Variants in GALNTL6 observed in about 807,000 individuals in gnomAD.
GALNTL6 encodes polypeptide N-acetylgalactosaminyltransferase like 6, also known as polypeptide N-acetylgalactosaminyltransferase-like 6.
Under a neutral mutation model 73.7 loss-of-function variants are expected in GALNTL6, and 46 were observed. The ratio of observed to expected loss-of-function variants is 0.62; its 90% confidence interval spans 0.49 to 0.80. GALNTL6 has a LOEUF of 0.80. Ranked by LOEUF, GALNTL6 falls within the 30% of genes least tolerant of loss-of-function variation. The pLI is 0.00. For synonymous variants in GALNTL6, 259 were observed against 263.7 expected, an observed-to-expected ratio of 0.98 and a Z score of 0.17; for missense variants, 604 against 755.0, an observed-to-expected ratio of 0.80 and a Z score of 2.34.
intron 2 of GALNTL6, among the ~76,000 whole-genome samples, chr4:172,122,146 G>C (rs1030396001): frequency 1.3e-5 from 2 of 151,206 alleles, no homozygotes; most frequent in African/African-American, 4.9e-5. Context: ...AATTCGAGCA[G>C]AGCGTGAGCA....
chr4:173,012,197 T>C (rs1752582867), intron 11 of GALNTL6, among the ~76,000 whole-genome samples: 1 of 152,194 alleles, frequency 6.6e-6, no homozygotes. Flanking sequence ...AAGCAAGCAG[T>C]TCCCAGTAAG....
chr4:171,861,438 G>C (rs2110879295), intron 2 of GALNTL6, among the ~76,000 whole-genome samples: 1 of 152,268 alleles, frequency 6.6e-6, no homozygotes. Flanking sequence ...ACACCAGCTT[G>C]CTTTTCCTGA....
intron 2 of GALNTL6, among the ~76,000 whole-genome samples, chr4:172,150,014 G>T (rs1734035323): frequency 6.6e-6 from 1 of 152,108 alleles, no homozygotes; most frequent in Non-Finnish European, 1.5e-5. Context: ...TTATGCCAGA[G>T]TCTTTTCTCC....
chr4:172,537,380 TAGTG>T (rs375926804), intron 5 of GALNTL6, among the ~76,000 whole-genome samples: 1 of 152,178 alleles, frequency 6.6e-6, no homozygotes, highest in Non-Finnish European at 1.5e-5. Flanking sequence ...GTTCTCATGA[TAGTG>T]AGTGAGTTTC....
chr4:172,540,765 C>G (rs914975226), intron 5 of GALNTL6, among the ~76,000 whole-genome samples: 3 of 152,148 alleles, frequency 2.0e-5, no homozygotes, highest in Non-Finnish European at 4.4e-5. Context: ...AAGCTATTAT[C>G]TAAAGACCTG....
At chr4:172,057,729 TA>T (rs1244814937) in intron 2 of GALNTL6, among the ~76,000 whole-genome samples, 33 of 72,306 alleles carry the variant, frequency 4.6e-4, no homozygotes, top group Admixed American at 4.9e-4. Context: ...AAAAAAAAAA[TA>T]TATATATATA....
chr4:172,382,405 T>C (rs987146406), intron 5 of GALNTL6, among the ~76,000 whole-genome samples: 1 of 152,182 alleles, frequency 6.6e-6, no homozygotes, highest in African/African-American at 2.4e-5. Context: ...TCTTTTGTCT[T>C]TCTTGGGAGA....
At chr4:171,847,688 A>AG (rs1735410795) in intron 2 of GALNTL6, among the ~76,000 whole-genome samples, 1 of 152,198 alleles carries the variant, frequency 6.6e-6, no homozygotes, top group African/African-American at 2.4e-5. Flanking sequence ...TACCAGGAGT[A>AG]GATTCTATAT....
intron 2 of GALNTL6, among the ~76,000 whole-genome samples, chr4:172,176,346 A>AAAAAAAAAAAAAAAAAAAAAAAAG (rs1463765997): frequency 1.3e-4 from 19 of 147,890 alleles, no homozygotes; most frequent in Non-Finnish European, 2.7e-4. Context: ...TCAAAAAAAA[A>AAAAAAAAAAAAAAAAAAAAAAAAG]AAAAAAAAAA....
intron 2 of GALNTL6, among the ~76,000 whole-genome samples, chr4:172,028,493 A>G (rs2110815391): frequency 6.6e-6 from 1 of 152,154 alleles, no homozygotes; most frequent in East Asian, 1.9e-4. Context: ...CAAATGTAAG[A>G]TAGGTTGGAT....
intron 3 of GALNTL6, among the ~76,000 whole-genome samples, chr4:172,298,672 T>C (rs1224990532): frequency 6.6e-6 from 1 of 152,230 alleles, no homozygotes; most frequent in Non-Finnish European, 1.5e-5. Flanking sequence ...ATTGCATTTA[T>C]TGATTTGCAT....
chr4:171,938,938 GT>G (rs1738436276), intron 2 of GALNTL6, among the ~76,000 whole-genome samples: 1 of 151,946 alleles, frequency 6.6e-6, no homozygotes, highest in Non-Finnish European at 1.5e-5. Context: ...TTTTCATAAG[GT>G]TTACTGGTTT....
At chr4:172,284,106 A>G (rs944690275) in intron 3 of GALNTL6, among the ~76,000 whole-genome samples, 3 of 152,156 alleles carry the variant, frequency 2.0e-5, no homozygotes, top group Non-Finnish European at 4.4e-5. Context: ...ATCCTCCAGG[A>G]TTCTTCATTA....
At chr4:171,829,313 T>C (rs1057057757) in intron 2 of GALNTL6, among the ~76,000 whole-genome samples, 1 of 152,116 alleles carries the variant, frequency 6.6e-6, no homozygotes, top group African/African-American at 2.4e-5. Flanking sequence ...TGCTCTCAAG[T>C]TCACCCTCAC....
At chr4:172,487,308 T>TTC (rs1733714487) in intron 5 of GALNTL6, among the ~76,000 whole-genome samples, 1 of 105,036 alleles carries the variant, frequency 9.5e-6, no homozygotes, top group Non-Finnish European at 2.0e-5. Flanking sequence ...CTGTCTTTCT[T>TTC]TCTTTCTTTC....
intron 2 of GALNTL6, among the ~76,000 whole-genome samples, chr4:172,017,845 C>T (rs1247224495): frequency 6.6e-6 from 1 of 152,026 alleles, no homozygotes; most frequent in Non-Finnish European, 1.5e-5. Flanking sequence ...TGCAAAGAGT[C>T]CTGTGATGGG....
chr4:172,553,430 C>T (rs556295116), intron 5 of GALNTL6, among the ~76,000 whole-genome samples: 1 of 152,170 alleles, frequency 6.6e-6, no homozygotes, highest in South Asian at 2.1e-4. Flanking sequence ...AATCCAGCTG[C>T]CAGTTGTTCA....
chr4:172,451,723 G>C (rs543497186), intron 5 of GALNTL6, among the ~76,000 whole-genome samples: 1 of 152,218 alleles, frequency 6.6e-6, no homozygotes, highest in South Asian at 2.1e-4. Context: ...GTATGTAAGT[G>C]GGCCAGGTGC....
chr4:172,033,101 G>A (rs1267927780), intron 2 of GALNTL6, among the ~76,000 whole-genome samples: 4 of 151,638 alleles, frequency 2.6e-5, no homozygotes, highest in Non-Finnish European at 4.4e-5. Flanking sequence ...CCCTATTACT[G>A]TCTTTTAATG....
Sources: gnomAD v4.1 joint callset for allele counts (sites outside exome capture counted in the v4.1 genomes callset) on GRCh38, gnomAD v4.1.1 for gene constraint, MANE v1.5 for transcripts, NCBI Gene and HGNC (gene_info 2026-07-23, HGNC 2026-07-21) for gene names.